Variants in ANK2 observed in about 807,000 individuals in gnomAD.
The protein encoded by ANK2 is ankyrin-2.
A neutral mutation model predicts 360.5 loss-of-function variants in ANK2; 83 were observed. That is an observed-to-expected ratio of 0.23 (90% CI 0.19 to 0.28). The LOEUF is 0.28. Ranked by LOEUF, ANK2 falls within the 10% of genes least tolerant of loss-of-function variation. The pLI, the probability that ANK2 is intolerant of heterozygous loss-of-function variation, is 1.00. For synonymous variants in ANK2, 1,740 were observed against 1,759.5 expected, an observed-to-expected ratio of 0.99 and a Z score of 0.28; for missense variants, 4,201 against 4,795.7, an observed-to-expected ratio of 0.88 and a Z score of 3.66.
At chr4:113,122,953 G>C (rs1329916714) in intron 1 of ANK2, among the ~76,000 whole-genome samples, 1 of 150,894 alleles carries the variant, frequency 6.6e-6, no homozygotes, top group African/African-American at 2.4e-5. Flanking sequence ...AACTTCTTTT[G>C]ACCATTGCAT....
chr4:113,015,150 G>A (rs988741427), intron 2 of ANK2, among the ~76,000 whole-genome samples: 1 of 152,098 alleles, frequency 6.6e-6, no homozygotes, highest in Non-Finnish European at 1.5e-5. Flanking sequence ...GAGCCACCGC[G>A]CCCGGCCAGA....
chr4:113,278,981 T>TAA (rs2061264909), intron 17 of ANK2, among the ~76,000 whole-genome samples: 1 of 152,130 alleles, frequency 6.6e-6, no homozygotes, highest in Non-Finnish European at 1.5e-5. Context: ...TCTTTTTTTT[T>TAA]AATGTTTTAC....
intron 2 of ANK2, among the ~76,000 whole-genome samples, chr4:113,029,792 C>T (rs1224337750): frequency 2.6e-5 from 4 of 152,228 alleles, no homozygotes; most frequent in African/African-American, 9.6e-5. Flanking sequence ...AAAAACACCA[C>T]TCTCAAAATG....
At position 113,250,761 on chromosome 4, in the gene ANK2, C is replaced by CCA. The variant is rs574931973; in HGVS notation, c.990+900_990+901insAC. Among the ~76,000 whole-genome samples the CCA allele has an allele frequency of 1.2e-3, 168 of 137,894 alleles. 21 individuals carry two copies. The highest frequency in any genetic ancestry group is 4.4e-3 in the East Asian group (20 of 4,572). 90.5% of individuals were successfully genotyped at this position (137,894 alleles called of 152,430 possible). ...CATTCCACCTCATACCACCGCCCCCCCCCCCGACAGAGTTGGTATCAACTA... is the reference window on the plus strand; with the variant it reads ...CATTCCACCTCATACCACCGCCCCCCCACCCCCGACAGAGTTGGTATCAACTA... On this transcript the variant is annotated intron_variant, in intron 10 of 45. Coordinates refer to ENST00000357077, the MANE Select transcript of ANK2 (RefSeq NM_001148.6).
chr4:113,104,739 CAAT>C (rs1323845700), intron 1 of ANK2, among the ~76,000 whole-genome samples: 1,793 of 143,220 alleles, frequency 0.013, 35 homozygotes, highest in African/African-American at 0.042. Flanking sequence ...ACAACAACAA[CAAT>C]AACAACAACA....
intron 1 of ANK2, among the ~76,000 whole-genome samples, chr4:113,167,503 T>G (rs1351114260): frequency 1.3e-5 from 2 of 152,032 alleles, no homozygotes; most frequent in East Asian, 3.8e-4. Context: ...TTCACCATGT[T>G]GGTCAGGCTG....
At chr4:112,846,230 C>T (rs920418468) in intron 1 of ANK2, among the ~76,000 whole-genome samples, 1 of 152,058 alleles carries the variant, frequency 6.6e-6, no homozygotes, top group Non-Finnish European at 1.5e-5. Flanking sequence ...CCACCTCAGC[C>T]TCTTAAGTAG....
Position 113,214,062 on chromosome 4 carries a change from G to T in ANK2, c.384+14953G>T, listed in dbSNP as rs1209479240. 25 of 720,546 alleles carry T rather than the reference G, an allele frequency of 3.5e-5. 2 individuals carry two copies. The highest frequency in any genetic ancestry group is 7.2e-5 in the Admixed American group (3 of 41,824). The allele number at this position is 720,546 out of a possible 1,614,324, so 44.6% of individuals were successfully genotyped here. A position where few individuals can be genotyped will look rare whatever the true frequency, so the allele number is the denominator to read the frequency against. ...CTCAGCTCCTTACATGGGCTTTGGT[G>T]GGGGACGTGGGGCAGCACCCGCAGG... On this transcript the variant is annotated intron_variant, in intron 4 of 45. Transcript: ENST00000357077.
chr4:112,788,038 ATTATT>A, the ANK2 span: 2 of 990,600 alleles, frequency 2.0e-6, no homozygotes, highest in African/African-American at 1.6e-5. Context: ...GAAAATTTGT[ATTATT>A]TTAATTATTT....
the ANK2 span, among the ~76,000 whole-genome samples, chr4:112,711,108 G>A: frequency 6.6e-6 from 1 of 150,662 alleles, no homozygotes; most frequent in Non-Finnish European, 1.5e-5. Context: ...ATTTTTAAAG[G>A]ATTTTTCATT....
intron 1 of ANK2, among the ~76,000 whole-genome samples, chr4:112,859,836 T>C (rs1278460233): frequency 1.3e-5 from 2 of 152,218 alleles, no homozygotes; most frequent in African/African-American, 2.4e-5. Flanking sequence ...ATAACCTTTA[T>C]TACCTGGAAA....
chr4:112,763,532 T>TTC, the ANK2 span, among the ~76,000 whole-genome samples: 5 of 37,368 alleles, frequency 1.3e-4, no homozygotes, highest in African/African-American at 2.4e-4. Context: ...GCGCCTGGCC[T>TTC]TTTTTTTTTC....
At chr4:112,895,556 A>AT (rs553861370) in intron 1 of ANK2, among the ~76,000 whole-genome samples, 21 of 152,018 alleles carry the variant, frequency 1.4e-4, no homozygotes, top group South Asian at 1.0e-3. Flanking sequence ...AGTTAAATAG[A>AT]TTTTTTTTAA....
At chr4:113,170,935 A>T (rs1210547193) in intron 1 of ANK2, among the ~76,000 whole-genome samples, 1 of 152,196 alleles carries the variant, frequency 6.6e-6, no homozygotes, top group Non-Finnish European at 1.5e-5. Context: ...CCAGAGTTTG[A>T]CTATGGGCAT....
chr4:112,795,005 A>G, the ANK2 span, among the ~76,000 whole-genome samples: 2 of 152,248 alleles, frequency 1.3e-5, no homozygotes, highest in Non-Finnish European at 1.5e-5. Context: ...ATGTCAAGCA[A>G]CAATAGCAGT....
At chr4:113,243,841 A>T (rs769653928) in intron 9 of ANK2, among the ~76,000 whole-genome samples, 1 of 152,202 alleles carries the variant, frequency 6.6e-6, no homozygotes, top group Non-Finnish European at 1.5e-5. Context: ...TTACCACTGG[A>T]AAGAAAGCAT....
intron 23 of ANK2, among the ~76,000 whole-genome samples, chr4:113,307,279 A>G (rs919117239): frequency 2.0e-5 from 3 of 152,110 alleles, no homozygotes; most frequent in African/African-American, 4.8e-5. Flanking sequence ...GGGGCTCTTC[A>G]TCTCAGGTTT....
intron 24 of ANK2, 28 bp downstream of exon 24, chr4:113,311,427 C>T: frequency 1.9e-6 from 3 of 1,613,124 alleles, no homozygotes; most frequent in Non-Finnish European, 2.5e-6. Flanking sequence ...TAATTGATGT[C>T]AGCCAGAAGT....
chr4:112,904,542 T>G, intron 2 of ANK2: 1 of 1,435,162 alleles, frequency 7.0e-7, no homozygotes, highest in East Asian at 2.5e-5. Flanking sequence ...AATATTACTT[T>G]AAAGGAATCT....
Sources: allele counts gnomAD v4.1 joint callset (sites outside exome capture counted in the v4.1 genomes callset), GRCh38; gene constraint gnomAD v4.1.1; transcripts MANE v1.5; gene names NCBI Gene and HGNC (gene_info 2026-07-23, HGNC 2026-07-21).